The following LGALS3BP variants were observed in gnomAD, a reference collection of about 807,000 sequenced individuals.
LGALS3BP encodes galectin-3-binding protein.
LGALS3BP carries 25 observed loss-of-function variants against 22.9 expected under a neutral mutation model. The ratio of observed to expected loss-of-function variants is 1.09; its 90% CI spans 0.80 to 1.53. The LOEUF (loss-of-function observed/expected upper bound fraction) is 1.53. LGALS3BP is among the 40% of genes most tolerant of loss of function. The pLI, the probability that LGALS3BP is intolerant of heterozygous loss-of-function variation, is 0.00. For synonymous variants in LGALS3BP, 335 were observed against 331.1 expected (o/e 1.01, Z -0.13); for missense variants, 718 against 752.0 (o/e 0.95, Z 0.53).
chr17:78,974,905 C>G, intron 3 of LGALS3BP, 86 bp from the exon 4 acceptor site: 1 of 1,542,316 alleles, frequency 6.5e-7, no homozygotes, highest in Non-Finnish European at 8.8e-7. Context: ...TGTTCTCCGC[C>G]CCGGCCGTGT....
chr17:78,973,131 G>A lies in LGALS3BP; in HGVS notation c.468C>T (p.Ser156=). Residue 156 remains serine, a synonymous_variant, in exon 5 of 6, where the codon TCC becomes TCT. Coordinates refer to ENST00000262776, the MANE Select transcript of LGALS3BP (RefSeq NM_005567.4). The surrounding 1 kb of genome is among the most constrained non-coding windows in gnomAD (Gnocchi z 5.8). ...IFDSQRGCDL[S]ISVNVQGEDA... ...CCTCGCCCTGCACATTCACGCTGATGGACAGGTCGCAGCCCCGCTGGCTGT... is the reference window on the plus strand; with the variant it reads ...CCTCGCCCTGCACATTCACGCTGATAGACAGGTCGCAGCCCCGCTGGCTGT... 1 of 1,612,994 alleles carries A rather than the reference G, an allele frequency of 6.2e-7. No individual in the cohort carries two copies. The highest frequency in any genetic ancestry group is 8.5e-7 in the Non-Finnish European group (1 of 1,179,788).
Position 78,972,831 on chromosome 17 carries a change from C to G in LGALS3BP, c.630-127G>C. On this transcript the variant is annotated intron_variant, in intron 5 of 5. Coordinates refer to ENST00000262776, the MANE Select transcript of LGALS3BP (RefSeq NM_005567.4). This position sits in a 1 kb window ranked among gnomAD's most constrained non-coding sequence, Gnocchi z 5.1. ...GTGAGCATGCGTGTGTGTGCAACTGCGTGAGTGCATGTGTGACTGCGTGTG... is the reference window on the plus strand; with the variant it reads ...GTGAGCATGCGTGTGTGTGCAACTGGGTGAGTGCATGTGTGACTGCGTGTG... 1 of 1,424,534 alleles carries G rather than the reference C, an allele frequency of 7.0e-7. No homozygotes were observed. The highest frequency in any genetic ancestry group is 9.4e-7 in the Non-Finnish European group (1 of 1,058,578). 88.2% of individuals were successfully genotyped at this position (1,424,534 alleles called of 1,614,324 possible).
chr17:78,974,651 C>T (rs1438919126), intron 4 of LGALS3BP, 37 bp downstream of exon 4: 22 of 1,601,596 alleles, frequency 1.4e-5, no homozygotes, highest in African/African-American at 2.7e-5. Flanking sequence ...CCCCAGGGCA[C>T]ACTGGGGCCT....
At chr17:78,977,293 C>T in intron 1 of LGALS3BP, 79 bp from the exon 2 acceptor site, 1 of 1,184,016 alleles carries the variant, frequency 8.4e-7, no homozygotes, top group Non-Finnish European at 1.2e-6. Flanking sequence ...GCCCATTCAC[C>T]CTTCAGCCCA....
At chr17:78,978,790 G>A (rs1178128551) in intron 1 of LGALS3BP, among the ~76,000 whole-genome samples, 3 of 152,240 alleles carry the variant, frequency 2.0e-5, no homozygotes, top group South Asian at 2.1e-4. Flanking sequence ...CTGGCCAGGC[G>A]CGATGGCTCA....
chr17:78,977,100 C>T, intron 2 of LGALS3BP, 40 bp downstream of exon 2: 7 of 1,609,902 alleles, frequency 4.3e-6, no homozygotes, highest in Non-Finnish European at 5.9e-6. Context: ...ACCAGCCTTC[C>T]ACACTTCTGC....
At chr17:78,978,911 A>AAATAAT (rs1039816234) in intron 1 of LGALS3BP, among the ~76,000 whole-genome samples, 1 of 152,044 alleles carries the variant, frequency 6.6e-6, no homozygotes, top group African/African-American at 2.4e-5. Flanking sequence ...TAAAAATACA[A>AAATAAT]AATAATAATA....
Position 78,974,946 on chromosome 17 carries a change from C to T in LGALS3BP, c.245-127G>A, listed in dbSNP as rs941129301. The T allele has an allele frequency of 1.9e-5, 23 of 1,207,076 alleles. No individual in the cohort carries two copies. The East Asian group carries it at 4.1e-4, about 22-fold the overall frequency. The allele number at this position is 1,207,076 out of a possible 1,614,324, so 74.8% of individuals were successfully genotyped here. A position where few individuals can be genotyped will look rare whatever the true frequency, so the allele number is the denominator to read the frequency against. On this transcript the variant is annotated intron_variant, in intron 3 of 5. Transcript: ENST00000262776. ...CATCTGCTTACAGGTCCTTCACCAG[C>T]GAACCACGGAGGATATTCCAGCATG...
rs1329390773 is a variant in LGALS3BP, at chr17:78,972,882, A to G, written c.629+88T>C. The G allele has an allele frequency of 1.3e-6, 2 of 1,496,324 alleles. No homozygotes were observed. The highest frequency in any genetic ancestry group is 1.4e-5 in the African/African-American group (1 of 71,988). The allele number at this position is 1,496,324 out of a possible 1,614,324, so 92.7% of individuals were successfully genotyped here. A position where few individuals can be genotyped will look rare whatever the true frequency, so the allele number is the denominator to read the frequency against. On this transcript the variant is annotated intron_variant, in intron 5 of 5. Coordinates refer to ENST00000262776, the MANE Select transcript of LGALS3BP (RefSeq NM_005567.4). The surrounding 1 kb of genome is among the most constrained non-coding windows in gnomAD (Gnocchi z 5.1). Reference sequence around the variant, plus strand: ...TACATGTGCATGCATGAGTATGTGCAGGTGTGTGTGTGGGGGGCTGTGCTT... The same window carrying G: ...TACATGTGCATGCATGAGTATGTGCGGGTGTGTGTGTGGGGGGCTGTGCTT...
In LGALS3BP at chr17:78,974,833, A is replaced by T; in HGVS notation, c.245-14T>A. 2 of 1,611,944 alleles carry T rather than the reference A, an allele frequency of 1.2e-6. No individual in the cohort carries two copies. Among genetic ancestry groups the T allele is most frequent in the Non-Finnish European group, 1.7e-6 (2 of 1,178,706 alleles). Reference sequence around the variant, plus strand: ...TGGGGCCTGATCCTGTGGACACAGCAGATGGCAGGGCTGGGGGCGTGACGA... The same window carrying T: ...TGGGGCCTGATCCTGTGGACACAGCTGATGGCAGGGCTGGGGGCGTGACGA... On this transcript the variant is annotated splice_polypyrimidine_tract_variant and intron_variant, in intron 3 of 5. Transcript: ENST00000262776.
In LGALS3BP at chr17:78,976,744, A is replaced by G. The variant is rs2070724343; in HGVS notation, c.52+396T>C. 1 of 214,104 alleles carries G rather than the reference A, an allele frequency of 4.7e-6. No individual in the cohort carries two copies. Among genetic ancestry groups the G allele is most frequent in the Non-Finnish European group, 9.5e-6 (1 of 105,104 alleles). 13.3% of individuals were successfully genotyped at this position (214,104 alleles called of 1,614,324 possible). A position where few individuals can be genotyped will look rare whatever the true frequency, so the allele number is the denominator to read the frequency against. On this transcript the variant is annotated intron_variant, in intron 2 of 5. Transcript: ENST00000262776. This position sits in a 1 kb window ranked among gnomAD's most constrained non-coding sequence, Gnocchi z 4.6. ...TACATCTGGCTTCCATGGGGCCCCC[A>G]GGATGAGCATGAGCTTCCAGGGGCT...
Position 78,971,735 on chromosome 17 carries a change from G to A in LGALS3BP, c.1599C>T (p.Asp533=), listed in dbSNP as rs976177005. The A allele has an allele frequency of 6.2e-6, 10 of 1,613,932 alleles. No individual in the cohort carries two copies. Among genetic ancestry groups the A allele is most frequent in the East Asian group, 2.2e-5 (1 of 44,888 alleles). ...LMLCEGLFVA[D]VTDFEGWKAA... Reference sequence around the variant, plus strand: ...CCTTCCAGCCCTCGAAATCGGTGACGTCTGCCACGAAGAGCCCTTCGCAGA... The same window carrying A: ...CCTTCCAGCCCTCGAAATCGGTGACATCTGCCACGAAGAGCCCTTCGCAGA... The change falls in exon 6 of 6, where the codon GAC becomes GAT. Residue 533 remains aspartate (D), a synonymous_variant. Transcript: ENST00000262776. This position sits in a 1 kb window ranked among gnomAD's most constrained non-coding sequence, Gnocchi z 5.6.
In LGALS3BP at chr17:78,971,668, T is replaced by A. The variant is rs780383094; in HGVS notation, c.1666A>T (p.Thr556Ser). The change falls in exon 6 of 6, where the codon ACC (threonine) becomes TCC (serine). Residue 556 changes from threonine to serine, a missense_variant. Physicochemically the swap from Thr to Ser is moderately conservative, Grantham distance 58. Coordinates refer to ENST00000262776, the MANE Select transcript of LGALS3BP (RefSeq NM_005567.4). This position sits in a 1 kb window ranked among gnomAD's most constrained non-coding sequence, Gnocchi z 5.6. ...SALDTNSSKS[T>S]SSFPCPAGHF... ...CCTGCCGGGCAGGGGAAGGAGGAGGTGCTCTTCGAGCTGTTGGTGTCCAGG... is the reference window on the plus strand; with the variant it reads ...CCTGCCGGGCAGGGGAAGGAGGAGGAGCTCTTCGAGCTGTTGGTGTCCAGG... 6.2e-6 allele frequency: 10 copies of A among 1,613,304 alleles called. No homozygotes were observed. The South Asian group carries it at 1.1e-4, about 18-fold the overall frequency.
intron 1 of LGALS3BP, among the ~76,000 whole-genome samples, chr17:78,978,412 G>A (rs1199096301): frequency 6.6e-6 from 1 of 152,228 alleles, no homozygotes; most frequent in African/African-American, 2.4e-5. Flanking sequence ...CCGTGACCCT[G>A]AGAACCACCT....
At position 78,973,717 on chromosome 17, in the gene LGALS3BP, G is replaced by A. The variant is rs572658085; in HGVS notation, c.377-495C>T. Among the ~76,000 whole-genome samples the A allele has an allele frequency of 1.3e-5, 2 of 152,272 alleles. No homozygotes were observed. The highest frequency in any genetic ancestry group is 4.8e-5 in the African/African-American group (2 of 41,542). On this transcript the variant is annotated intron_variant, in intron 4 of 5. Transcript: ENST00000262776. The surrounding 1 kb of genome is among the most constrained non-coding windows in gnomAD (Gnocchi z 5.8). ...AGAAGTCATGGGAGGCTCCCGGCTC[G>A]GGGGTCAGTGTGGTGCACCCTCTCC...
chr17:78,973,747 C>T lies in LGALS3BP; in HGVS notation c.377-525G>A, dbSNP rs1403042013. On this transcript the variant is annotated intron_variant, in intron 4 of 5. Coordinates refer to ENST00000262776, the MANE Select transcript of LGALS3BP (RefSeq NM_005567.4). This position sits in a 1 kb window ranked among gnomAD's most constrained non-coding sequence, Gnocchi z 5.8. ...TCAGTGTGGTGCACCCTCTCCCCTTCTTTGAGCCCCTCTCAAAGCCTAACT... is the reference window on the plus strand; with the variant it reads ...TCAGTGTGGTGCACCCTCTCCCCTTTTTTGAGCCCCTCTCAAAGCCTAACT... 6.6e-6 allele frequency among the ~76,000 whole-genome samples: 1 copy of T among 152,242 alleles called. No individual in the cohort carries two copies. The highest frequency in any genetic ancestry group is 1.5e-5 in the Non-Finnish European group (1 of 68,042).
At chr17:78,974,493 A>G in intron 4 of LGALS3BP, 195 bp downstream of exon 4, 1 of 590,122 alleles carries the variant, frequency 1.7e-6, no homozygotes, top group Non-Finnish European at 2.9e-6. Context: ...GGGGCTGGGG[A>G]GGAGTCTGGG....
At position 78,976,897 on chromosome 17, in the gene LGALS3BP, C is replaced by T. The variant is rs1042689431; in HGVS notation, c.52+243G>A. The T allele has an allele frequency of 4.3e-5, 24 of 560,730 alleles. 1 individual carries two copies. Among genetic ancestry groups the T allele is most frequent in the South Asian group, 3.0e-4 (15 of 49,878 alleles). The allele number at this position is 560,730 out of a possible 1,614,324, so 34.7% of individuals were successfully genotyped here. ...ATCAGCCCCTCTGGTTCCCTCTGGA[C>T]GGAATGGAGGATTCCCTAGTGTCCT... On this transcript the variant is annotated intron_variant, in intron 2 of 5. Transcript: ENST00000262776. This position sits in a 1 kb window ranked among gnomAD's most constrained non-coding sequence, Gnocchi z 4.6.
intron 4 of LGALS3BP, 190 bp downstream of exon 4, chr17:78,974,498 T>G (rs1599202197): frequency 3.3e-6 from 2 of 611,124 alleles, no homozygotes; most frequent in South Asian, 2.1e-5. Flanking sequence ...TGGGGAGGAG[T>G]CTGGGACTGT....
Sources: allele counts gnomAD v4.1 joint callset (sites outside exome capture counted in the v4.1 genomes callset), GRCh38; gene constraint gnomAD v4.1.1; non-coding constraint Gnocchi (gnomAD v3.1); transcripts MANE v1.5; gene names NCBI Gene and HGNC (gene_info 2026-07-23, HGNC 2026-07-21).